LPAR1: variants seen among roughly 807,000 people sequenced by gnomAD.
The protein encoded by LPAR1 is lysophosphatidic acid receptor 1.
A neutral mutation model predicts 23.8 loss-of-function variants in LPAR1; 5 were observed. The ratio of observed to expected loss-of-function variants is 0.21; its 90% CI spans 0.11 to 0.44. LPAR1 has a LOEUF of 0.44. Among genes scored for constraint, LPAR1 ranks in the 20% least tolerant of loss-of-function variants. The pLI is 0.99. For missense variants in LPAR1, 311 were observed against 482.8 expected (o/e 0.64, Z 3.33); for synonymous variants, 160 against 164.7 (o/e 0.97, Z 0.22).
At chr9:110,905,354 T>A (rs1008380329) in intron 5 of LPAR1, among the ~76,000 whole-genome samples, 18 of 151,678 alleles carry the variant, frequency 1.2e-4, no homozygotes, top group Middle Eastern at 3.4e-3. Flanking sequence ...TTATTATTTT[T>A]TTTTTTTTGC....
intron 2 of LPAR1, among the ~76,000 whole-genome samples, chr9:110,978,446 A>G (rs1403927480): frequency 1.3e-5 from 2 of 152,226 alleles, no homozygotes; most frequent in Non-Finnish European, 2.9e-5. Context: ...GAAACCATCA[A>G]TGCTGAAACC....
chr9:110,884,469 G>T, intron 5 of LPAR1, among the ~76,000 whole-genome samples: 1 of 152,104 alleles, frequency 6.6e-6, no homozygotes, highest in South Asian at 2.1e-4. Flanking sequence ...TTACTCCACT[G>T]TGTCTATTAT....
intron 2 of LPAR1, among the ~76,000 whole-genome samples, chr9:110,986,493 C>G (rs1271058436): frequency 6.6e-6 from 1 of 151,832 alleles, no homozygotes; most frequent in East Asian, 1.9e-4. Context: ...TTGCTTGAGC[C>G]CAGGAGTTTG....
At chr9:110,947,604 T>C (rs34860245) in intron 4 of LPAR1, among the ~76,000 whole-genome samples, 17,602 of 152,244 alleles carry the variant, frequency 0.12, 1,348 homozygotes, top group Admixed American at 0.21. Context: ...AATTCATTCA[T>C]CCATGCACAC....
At chr9:110,911,636 G>A (rs2092446264) in intron 5 of LPAR1, among the ~76,000 whole-genome samples, 1 of 152,124 alleles carries the variant, frequency 6.6e-6, no homozygotes, top group South Asian at 2.1e-4. Context: ...AAAAGATTAT[G>A]ACTTAAGGCT....
intron 2 of LPAR1, among the ~76,000 whole-genome samples, chr9:111,030,478 G>T (rs2097776409): frequency 6.6e-6 from 1 of 152,150 alleles, no homozygotes; most frequent in African/African-American, 2.4e-5. Context: ...CTCCTACAAT[G>T]AAACCTGCCT....
intron 2 of LPAR1, among the ~76,000 whole-genome samples, chr9:111,034,501 T>C (rs2097856588): frequency 6.6e-6 from 1 of 152,200 alleles, no homozygotes; most frequent in Admixed American, 6.5e-5. Context: ...TATAACACAA[T>C]AGCATCATTA....
chr9:110,996,864 G>A (rs1288370465), intron 2 of LPAR1, among the ~76,000 whole-genome samples: 1 of 152,156 alleles, frequency 6.6e-6, no homozygotes, highest in East Asian at 1.9e-4. Context: ...TGACATACAA[G>A]GACCCTTCCC....
intron 5 of LPAR1, among the ~76,000 whole-genome samples, chr9:110,881,518 T>G (rs938925793): frequency 2.6e-5 from 4 of 152,152 alleles, no homozygotes; most frequent in Admixed American, 1.3e-4. Flanking sequence ...CATTAAGTAG[T>G]GTGTATTGCG....
intron 5 of LPAR1, among the ~76,000 whole-genome samples, chr9:110,913,443 C>T (rs573889937): frequency 6.6e-6 from 1 of 152,234 alleles, no homozygotes; most frequent in African/African-American, 2.4e-5. Flanking sequence ...TACATACACA[C>T]AATTTGTTTC....
rs149470121 is a variant in LPAR1 at position 110,883,332 on chromosome 9, G to A, written c.794-7610C>T. ...AATATAGCCATGAGCCACCGTGCCC[G>A]GCCTATATCTTGAATTTTTTAAAGT... On this transcript the variant is annotated intron_variant, in intron 5 of 5. Coordinates refer to ENST00000683809, the MANE Select transcript of LPAR1 (RefSeq NM_001351411.2). 2.6e-4 allele frequency among the ~76,000 whole-genome samples: 40 copies of A among 152,108 alleles called. No individual in the cohort carries two copies. In the East Asian group the frequency reaches 7.0e-3, roughly 26 times the overall value.
intron 2 of LPAR1, among the ~76,000 whole-genome samples, chr9:110,992,009 C>A (rs200113219): frequency 1.1e-4 from 14 of 130,314 alleles, no homozygotes; most frequent in Admixed American, 8.4e-4. Context: ...TTTTTTTTTT[C>A]TTTAGTCAAA....
intron 2 of LPAR1, among the ~76,000 whole-genome samples, chr9:111,008,179 A>C (rs979425018): frequency 2.0e-5 from 3 of 152,110 alleles, no homozygotes; most frequent in Non-Finnish European, 4.4e-5. Context: ...ATCTCAAAAA[A>C]AAAAAATCTT....
At chr9:110,883,021 A>C (rs2081301685) in intron 5 of LPAR1, among the ~76,000 whole-genome samples, 1 of 152,092 alleles carries the variant, frequency 6.6e-6, no homozygotes, top group African/African-American at 2.4e-5. Context: ...CTACTGTAGA[A>C]ACCGAATTAT....
At chr9:110,892,822 A>AGGCAGGCAGGCAGGC (rs1564386259) in intron 5 of LPAR1, among the ~76,000 whole-genome samples, 7 of 86,292 alleles carry the variant, frequency 8.1e-5, no homozygotes, top group South Asian at 4.6e-4. Flanking sequence ...GGAAGGAAGG[A>AGGCAGGCAGGCAGGC]AGGAAGGCAG....
intron 5 of LPAR1, among the ~76,000 whole-genome samples, chr9:110,904,338 TAA>T (rs1473948985): frequency 2.0e-5 from 3 of 152,082 alleles, no homozygotes; most frequent in African/African-American, 7.2e-5. Context: ...CAATAATATT[TAA>T]AAGTGGGAAA....
intron 4 of LPAR1, among the ~76,000 whole-genome samples, chr9:110,956,057 T>C (rs999685903): frequency 1.3e-5 from 2 of 151,442 alleles, no homozygotes; most frequent in Non-Finnish European, 2.9e-5. Flanking sequence ...GATTAGGGCA[T>C]AAAAAAAGGA....
In LPAR1 at chr9:110,947,687, A is replaced by C. The variant is rs773936648; in HGVS notation, c.46-5519T>G. On this transcript the variant is annotated intron_variant, in intron 4 of 5. Transcript: ENST00000683809. Reference sequence around the variant, plus strand: ...TGCCTTCTAGGAGTACGACTGATGCACCCAAGTGCCTGGCATGGAGCCACT... The same window carrying C: ...TGCCTTCTAGGAGTACGACTGATGCCCCCAAGTGCCTGGCATGGAGCCACT... Among the ~76,000 whole-genome samples, 12 of 152,238 alleles carry C rather than the reference A, an allele frequency of 7.9e-5. 1 individual carries two copies. Among genetic ancestry groups the C allele is most frequent in the South Asian group, 4.1e-4 (2 of 4,834 alleles).
intron 4 of LPAR1, among the ~76,000 whole-genome samples, chr9:110,966,475 T>A (rs2096230169): frequency 7.1e-6 from 1 of 140,302 alleles, no homozygotes. Context: ...TGAGACTCCA[T>A]CTCAAGAAAA....
Sources: allele counts gnomAD v4.1 joint callset (sites outside exome capture counted in the v4.1 genomes callset), GRCh38; gene constraint gnomAD v4.1.1; transcripts MANE v1.5; gene names NCBI Gene and HGNC (gene_info 2026-07-23, HGNC 2026-07-21).